Variants in SIPA1L1 observed in about 807,000 individuals in gnomAD.
SIPA1L1 encodes the protein signal-induced proliferation-associated 1-like protein 1.
Under a neutral mutation model 162.7 loss-of-function variants are expected in SIPA1L1, and 26 were observed. That is an observed-to-expected ratio of 0.16 (90% CI 0.12 to 0.22). SIPA1L1 has a LOEUF of 0.22. SIPA1L1 is among the 10% of genes least tolerant of loss of function. The probability of loss-of-function intolerance (pLI) is 1.00; values close to 1 mark genes in which losing one functional copy is unlikely to be tolerated. For synonymous variants in SIPA1L1, 829 were observed against 837.4 expected (o/e 0.99, Z 0.17); for missense variants, 1,874 against 2,241.0 (o/e 0.84, Z 3.31).
intron 17 of SIPA1L1, among the ~76,000 whole-genome samples, chr14:71,711,283 T>C (rs959504873): frequency 1.3e-5 from 2 of 152,226 alleles, no homozygotes; most frequent in African/African-American, 4.8e-5. Flanking sequence ...GAACAGGAAG[T>C]GGGCATCAGA....
At chr14:71,724,106 G>A (rs1435743595) in intron 18 of SIPA1L1, among the ~76,000 whole-genome samples, 2 of 152,148 alleles carry the variant, frequency 1.3e-5, no homozygotes, top group Non-Finnish European at 2.9e-5. Flanking sequence ...GTTAGGATTT[G>A]AGAATCTTAG....
intron 13 of SIPA1L1, among the ~76,000 whole-genome samples, chr14:71,690,599 G>A (rs1181249717): frequency 6.6e-6 from 1 of 152,038 alleles, no homozygotes; most frequent in Admixed American, 6.6e-5. Flanking sequence ...TAGCTTATTT[G>A]ATACCATTCA....
intron 2 of SIPA1L1, among the ~76,000 whole-genome samples, chr14:71,486,273 A>T (rs560416650): frequency 6.6e-6 from 1 of 152,174 alleles, no homozygotes; most frequent in African/African-American, 2.4e-5. Flanking sequence ...ACAGGGTTCG[A>T]TTTTCTGTGG....
chr14:71,644,012 TAGTC>T (rs369305582), intron 7 of SIPA1L1, among the ~76,000 whole-genome samples: 5 of 152,260 alleles, frequency 3.3e-5, no homozygotes, highest in Admixed American at 1.3e-4. Flanking sequence ...TTCACCATGT[TAGTC>T]AGGCTGGTCT....
chr14:71,465,894 T>C (rs1462663931), intron 2 of SIPA1L1, among the ~76,000 whole-genome samples: 6 of 152,192 alleles, frequency 3.9e-5, no homozygotes, highest in African/African-American at 1.2e-4. Context: ...GGGAGAAAGA[T>C]GTAGGCTGGG....
chr14:71,607,255 G>A lies in SIPA1L1; in HGVS notation c.1499-11502G>A, dbSNP rs1184650055. On this transcript the variant is annotated intron_variant, in intron 5 of 23. Transcript: ENST00000381232. Reference sequence around the variant, plus strand: ...GATAAACTTGCCCAGGTAATTTCCAGGGACTGCCCTCGGCATAATAGATGA... The same window carrying A: ...GATAAACTTGCCCAGGTAATTTCCAAGGACTGCCCTCGGCATAATAGATGA... Among the ~76,000 whole-genome samples the A allele has an allele frequency of 4.6e-5, 7 of 151,282 alleles. 1 individual carries two copies. Among genetic ancestry groups the A allele is most frequent in the African/African-American group, 1.7e-4 (7 of 41,128 alleles).
chr14:71,442,520 A>G (rs1259104213), intron 2 of SIPA1L1, among the ~76,000 whole-genome samples: 1 of 152,176 alleles, frequency 6.6e-6, no homozygotes, highest in Non-Finnish European at 1.5e-5. Flanking sequence ...ATAAATGGAG[A>G]AATGTCTATA....
intron 2 of SIPA1L1, among the ~76,000 whole-genome samples, chr14:71,463,641 G>A (rs1046508933): frequency 2.0e-5 from 3 of 152,110 alleles, no homozygotes; most frequent in African/African-American, 4.8e-5. Flanking sequence ...AAGGGGACCC[G>A]GCCTCCCCTT....
At chr14:71,696,777 C>G (rs1471981933) in intron 13 of SIPA1L1, among the ~76,000 whole-genome samples, 1 of 152,174 alleles carries the variant, frequency 6.6e-6, no homozygotes, top group African/African-American at 2.4e-5. Context: ...CATAAAATAA[C>G]CATTCTGTAT....
chr14:71,547,286 AAAT>A (rs1254884048), intron 4 of SIPA1L1, among the ~76,000 whole-genome samples: 1 of 151,268 alleles, frequency 6.6e-6, no homozygotes. Context: ...CTTAATATGA[AAAT>A]AACTTTTTTT....
intron 3 of SIPA1L1, among the ~76,000 whole-genome samples, chr14:71,527,597 C>T (rs1435462282): frequency 2.0e-5 from 3 of 151,986 alleles, no homozygotes; most frequent in African/African-American, 4.8e-5. Flanking sequence ...TGTTTTGAGG[C>T]GTCCACTTTT....
In SIPA1L1 at chr14:71,629,589, T is replaced by C. The variant is rs571895140; in HGVS notation, c.1818+5353T>C. On this transcript the variant is annotated intron_variant, in intron 7 of 23. Transcript: ENST00000381232. The stretch of plus-strand genomic sequence containing the variant: ...ATAAAATTGGAATGGGTCTGGTTTA[T>C]AAATATTTAAGGTACAGTTGCTAGT... Among the ~76,000 whole-genome samples the C allele has an allele frequency of 3.3e-5, 5 of 152,364 alleles. No individual in the cohort carries two copies. The South Asian group carries it at 1.0e-3, about 32-fold the overall frequency.
intron 8 of SIPA1L1, among the ~76,000 whole-genome samples, chr14:71,655,750 G>A (rs1408390577): frequency 6.6e-6 from 1 of 151,958 alleles, no homozygotes; most frequent in South Asian, 2.1e-4. Flanking sequence ...CATGTTTGTT[G>A]GCTACGTGTA....
chr14:71,696,135 G>A (rs570752428), intron 13 of SIPA1L1, among the ~76,000 whole-genome samples: 3 of 152,168 alleles, frequency 2.0e-5, no homozygotes, highest in African/African-American at 7.2e-5. Flanking sequence ...CCTGCCCCAC[G>A]CATACACTAC....
intron 2 of SIPA1L1, among the ~76,000 whole-genome samples, chr14:71,449,976 T>C (rs2045692270): frequency 6.6e-6 from 1 of 152,208 alleles, no homozygotes; most frequent in Non-Finnish European, 1.5e-5. Flanking sequence ...AACTGTCTTT[T>C]TCTCAGATCT....
At chr14:71,729,659 T>C (rs574248484) in intron 19 of SIPA1L1, among the ~76,000 whole-genome samples, 1 of 152,324 alleles carries the variant, frequency 6.6e-6, no homozygotes, top group Non-Finnish European at 1.5e-5. Context: ...GTGGTAATCC[T>C]GAGAGGTTTT....
rs76483205 is a variant in SIPA1L1 at position 71,331,581 on chromosome 14, A to G, written c.-465+10400A>G. The stretch of plus-strand genomic sequence containing the variant: ...TGGGAAAGCTTCAAAAAGGCAATGA[A>G]TCTTGAATTATCACAACAGTCAGAT... On this transcript the variant is annotated intron_variant, in intron 2 of 23. Transcript: ENST00000381232. Among the ~76,000 whole-genome samples the G allele has an allele frequency of 2.5e-4, 38 of 152,330 alleles. No homozygotes were observed. In the East Asian group the frequency reaches 7.3e-3, roughly 29 times the overall value.
chr14:71,578,767 G>A (rs914137691), intron 4 of SIPA1L1, among the ~76,000 whole-genome samples: 5 of 152,228 alleles, frequency 3.3e-5, no homozygotes, highest in Admixed American at 6.5e-5. Flanking sequence ...CCATGGTACA[G>A]ATCAAACAAT....
Position 71,476,972 on chromosome 14 carries a change from G to T in SIPA1L1, c.-464-35771G>T, listed in dbSNP as rs2047919804. Among the ~76,000 whole-genome samples, 3 of 151,992 alleles carry T rather than the reference G, an allele frequency of 2.0e-5. No individual in the cohort carries two copies. In the South Asian group the frequency reaches 6.2e-4, roughly 32 times the overall value. ...TACCTCGCTCAAAAAGTTTCTTTGT[G>T]GGCCAGGCATAGTGGCTCACGCCTA... On this transcript the variant is annotated intron_variant, in intron 2 of 23. Transcript: ENST00000381232.
Sources: allele counts gnomAD v4.1 joint callset (sites outside exome capture counted in the v4.1 genomes callset), GRCh38; gene constraint gnomAD v4.1.1; transcripts MANE v1.5; gene names NCBI Gene and HGNC (gene_info 2026-07-23, HGNC 2026-07-21).